Variants in RYR2 observed in about 807,000 individuals in gnomAD.
RYR2 encodes the protein ryanodine receptor 2.
RYR2 carries 227 observed loss-of-function variants against 601.1 expected under a neutral mutation model. The ratio of observed to expected loss-of-function variants is 0.38; its 90% CI spans 0.34 to 0.42. The LOEUF (loss-of-function observed/expected upper bound fraction) is 0.42. Among genes scored for constraint, RYR2 ranks in the 10% least tolerant of loss-of-function variants. The pLI, the probability that RYR2 is intolerant of heterozygous loss-of-function variation, is 1.00. For synonymous variants in RYR2, 2,223 were observed against 2,175.1 expected (o/e 1.02, Z -0.61); for missense variants, 4,646 against 6,156.5 (o/e 0.75, Z 8.21).
At chr1:237,724,143 G>A (rs1299961014) in intron 74 of RYR2, among the ~76,000 whole-genome samples, 1 of 147,276 alleles carries the variant, frequency 6.8e-6, no homozygotes, top group African/African-American at 2.5e-5. Flanking sequence ...GATGCCCTAT[G>A]CCATCTCAGG....
At chr1:237,387,977 C>A in intron 9 of RYR2, 110 bp from the exon 10 acceptor site, 2 of 998,002 alleles carry the variant, frequency 2.0e-6, no homozygotes, top group Non-Finnish European at 3.1e-6. Flanking sequence ...CCTTAAGACT[C>A]ACTAGACTTC....
At chr1:237,822,555 G>A (rs1207591185) in intron 101 of RYR2, among the ~76,000 whole-genome samples, 1 of 152,104 alleles carries the variant, frequency 6.6e-6, no homozygotes, top group Non-Finnish European at 1.5e-5. Flanking sequence ...GGAACAACCG[G>A]TACCAGCCAC....
At chr1:237,151,623 G>A (rs1456549110) in intron 1 of RYR2, among the ~76,000 whole-genome samples, 1 of 152,158 alleles carries the variant, frequency 6.6e-6, no homozygotes, top group Non-Finnish European at 1.5e-5. Context: ...GAGGATATAA[G>A]TACTTGAAAA....
Position 237,694,952 on chromosome 1 carries a change from A to G in RYR2, c.9068-4013A>G, listed in dbSNP as rs559676057. Among the ~76,000 whole-genome samples, 79 of 152,334 alleles carry G rather than the reference A, an allele frequency of 5.2e-4. 1 individual carries two copies. Among genetic ancestry groups the G allele is most frequent in the African/African-American group, 1.9e-3 (78 of 41,578 alleles). On this transcript the variant is annotated intron_variant, in intron 63 of 104. Coordinates refer to ENST00000366574, the MANE Select transcript of RYR2 (RefSeq NM_001035.3). ...CTGCCAAGATTAATCATTTCTTCAG[A>G]GAAAAGAATACAATATTAGAAAAGT...
intron 3 of RYR2, among the ~76,000 whole-genome samples, chr1:237,343,827 T>TG (rs1558655442): frequency 6.6e-6 from 1 of 151,626 alleles, no homozygotes; most frequent in African/African-American, 2.4e-5. Context: ...TTTTGTTTTT[T>TG]TTTTTTTTTT....
At chr1:237,202,169 C>T (rs767245054) in intron 1 of RYR2, among the ~76,000 whole-genome samples, 1 of 152,204 alleles carries the variant, frequency 6.6e-6, no homozygotes, top group Non-Finnish European at 1.5e-5. Context: ...TTTACTTATA[C>T]AATTTGCATT....
intron 79 of RYR2, among the ~76,000 whole-genome samples, chr1:237,735,528 A>G (rs754052935): frequency 6.6e-6 from 1 of 152,188 alleles, no homozygotes; most frequent in Non-Finnish European, 1.5e-5. Context: ...GACAGGTTAC[A>G]GGACATAAGG....
At chr1:237,127,765 G>T (rs1208394920) in intron 1 of RYR2, among the ~76,000 whole-genome samples, 1 of 151,140 alleles carries the variant, frequency 6.6e-6, no homozygotes, top group East Asian at 2.0e-4. Context: ...GGGCAGAGGC[G>T]CTCCTCACAT....
At chr1:237,806,382 T>C (rs530383480) in intron 99 of RYR2, 99 bp downstream of exon 99, 1 of 1,247,292 alleles carries the variant, frequency 8.0e-7, no homozygotes, top group African/African-American at 1.5e-5. Context: ...TGTACAGTTT[T>C]AAAGATTTTT....
chr1:237,325,505 G>A (rs1397236834), intron 2 of RYR2, among the ~76,000 whole-genome samples: 3 of 151,958 alleles, frequency 2.0e-5, no homozygotes, highest in East Asian at 3.9e-4. Context: ...TGGCTAACAC[G>A]ATGAAACCCC....
chr1:237,613,725 G>A (rs966881983), intron 36 of RYR2, among the ~76,000 whole-genome samples: 2 of 152,116 alleles, frequency 1.3e-5, no homozygotes, highest in African/African-American at 2.4e-5. Flanking sequence ...TCTGAAATTC[G>A]AAATGCTCCA....
chr1:237,315,208 C>A (rs1330620438), intron 2 of RYR2, among the ~76,000 whole-genome samples: 1 of 152,106 alleles, frequency 6.6e-6, no homozygotes, highest in African/African-American at 2.4e-5. Flanking sequence ...AAGCTTCTAC[C>A]TGTATGTGAA....
intron 1 of RYR2, among the ~76,000 whole-genome samples, chr1:237,206,303 T>C (rs1411325606): frequency 6.6e-6 from 1 of 152,186 alleles, no homozygotes; most frequent in Non-Finnish European, 1.5e-5. Flanking sequence ...CTGAATACCC[T>C]GAAACTCGGC....
At chr1:237,786,388 G>T (rs1001679845) in intron 91 of RYR2, among the ~76,000 whole-genome samples, 3 of 152,220 alleles carry the variant, frequency 2.0e-5, no homozygotes, top group South Asian at 4.1e-4. Flanking sequence ...ATGTCTTTCT[G>T]TCCTTTCCAA....
At chr1:237,488,996 C>T (rs1163750916) in intron 17 of RYR2, among the ~76,000 whole-genome samples, 2 of 152,054 alleles carry the variant, frequency 1.3e-5, no homozygotes, top group South Asian at 2.1e-4. Flanking sequence ...TTACAGGCCG[C>T]GTGGACCATG....
At chr1:237,392,967 A>G (rs1702508422) in intron 10 of RYR2, among the ~76,000 whole-genome samples, 1 of 152,228 alleles carries the variant, frequency 6.6e-6, no homozygotes, top group South Asian at 2.1e-4. Flanking sequence ...TCTAGTGGGC[A>G]TATGCGGCAA....
intron 1 of RYR2, among the ~76,000 whole-genome samples, chr1:237,088,799 T>A (rs1012532151): frequency 6.6e-6 from 1 of 152,214 alleles, no homozygotes; most frequent in African/African-American, 2.4e-5. Flanking sequence ...CAGTTTAGGT[T>A]AAGTTGTCAT....
intron 5 of RYR2, 126 bp from the exon 6 acceptor site, chr1:237,369,408 A>C: frequency 1.3e-6 from 1 of 790,786 alleles, no homozygotes. Context: ...GCTTGTCTGC[A>C]AGAGCTCTTA....
intron 1 of RYR2, among the ~76,000 whole-genome samples, chr1:237,236,390 G>A (rs1333184626): frequency 6.6e-6 from 1 of 152,174 alleles, no homozygotes; most frequent in South Asian, 2.1e-4. Context: ...GAAAAATGCA[G>A]ATGGGGATAA....
Sources: allele counts gnomAD v4.1 joint callset (sites outside exome capture counted in the v4.1 genomes callset), GRCh38; gene constraint gnomAD v4.1.1; transcripts MANE v1.5; gene names NCBI Gene and HGNC (gene_info 2026-07-23, HGNC 2026-07-21).